Variants in SLC9A7 observed in about 807,000 individuals in gnomAD.
SLC9A7 encodes solute carrier family 9 member A7.
SLC9A7 carries 19 observed loss-of-function variants against 52.6 expected under a neutral mutation model. The ratio of observed to expected loss-of-function variants is 0.36; its 90% confidence interval spans 0.25 to 0.53. The LOEUF (loss-of-function observed/expected upper bound fraction) is 0.53. SLC9A7 is among the 20% of genes least tolerant of loss of function. The pLI, the probability that SLC9A7 is intolerant of heterozygous loss-of-function variation, is 0.91. For missense variants in SLC9A7, 455 were observed against 597.9 expected (o/e 0.76, Z 2.49); for synonymous variants, 226 against 252.1 (o/e 0.90, Z 0.98).
At chrX:46,740,756 C>T (rs1216141873) in intron 1 of SLC9A7, among the ~76,000 whole-genome samples, 2 of 110,499 alleles carry the variant, frequency 1.8e-5, no homozygotes, top group Non-Finnish European at 3.8e-5. Flanking sequence ...CCACTATGGC[C>T]CTACCACTTC....
chrX:46,743,985 C>T (rs1157083489), intron 1 of SLC9A7, among the ~76,000 whole-genome samples: 4 of 112,506 alleles, frequency 3.6e-5, no homozygotes, highest in Non-Finnish European at 7.5e-5. Context: ...CCATTTCTCT[C>T]TTACTTATAA....
chrX:46,638,044 A>G (rs984765485), intron 12 of SLC9A7, among the ~76,000 whole-genome samples: 3 of 111,915 alleles, frequency 2.7e-5, no homozygotes, highest in African/African-American at 9.7e-5. Context: ...CAGGGCCTCT[A>G]TCAGTAGCCT....
Position 46,634,430 on chromosome X carries a change from T to G in SLC9A7, c.1676+1159A>C, listed in dbSNP as rs187920689. ...TAAAATCTCGGAAAGTTTAGAAGTA[T>G]TCCATGTTAATTAATAATTTTTTCT... On this transcript the variant is annotated intron_variant, in intron 13 of 16. Coordinates refer to ENST00000616978, the MANE Select transcript of SLC9A7 (RefSeq NM_001257291.2). 7.2e-3 allele frequency among the ~76,000 whole-genome samples: 800 copies of G among 111,330 alleles called. 3 individuals are homozygous for G. The highest frequency in any genetic ancestry group is 9.6e-3 in the Non-Finnish European group (509 of 53,038).
rs1253006267 is a variant in SLC9A7, at chrX:46,759,064, G to A, written c.-35C>T. 3.4e-6 allele frequency: 3 copies of A among 872,084 alleles called. No homozygotes were observed. The highest frequency in any genetic ancestry group is 4.2e-6 in the Non-Finnish European group (3 of 706,808). 71.9% of individuals were successfully genotyped at this position (872,084 alleles called of 1,213,427 possible). A position where few individuals can be genotyped will look rare whatever the true frequency, so the allele number is the denominator to read the frequency against. ...GCCCCCCGCGCCTCCTCCGAGCGGG[G>A]ACCAGCAGCCCGCGCCGTCGGCGGG... On this transcript the variant is annotated 5_prime_UTR_variant, in exon 1 of 17. Coordinates refer to ENST00000616978, the MANE Select transcript of SLC9A7 (RefSeq NM_001257291.2).
chrX:46,659,114 GAC>G (rs1245885851), intron 7 of SLC9A7, among the ~76,000 whole-genome samples: 1 of 111,478 alleles, frequency 9.0e-6, no homozygotes, highest in Non-Finnish European at 1.9e-5. Context: ...CAGAACCAAA[GAC>G]AAAAACCACA....
At chrX:46,640,440 T>G (rs1469355224) in intron 12 of SLC9A7, among the ~76,000 whole-genome samples, 1 of 112,237 alleles carries the variant, frequency 8.9e-6, no homozygotes, top group Non-Finnish European at 1.9e-5. Flanking sequence ...AGTGTAAAAC[T>G]AAAAAGCTTT....
chrX:46,702,889 C>T (rs192219621), intron 1 of SLC9A7, among the ~76,000 whole-genome samples: 1 of 112,479 alleles, frequency 8.9e-6, no homozygotes, highest in East Asian at 2.8e-4. Context: ...AATTTACATT[C>T]CTATCAACAG....
chrX:46,737,637 C>T (rs1329678846), intron 1 of SLC9A7, among the ~76,000 whole-genome samples: 1 of 111,943 alleles, frequency 8.9e-6, no homozygotes, highest in Non-Finnish European at 1.9e-5. Flanking sequence ...CCTTTTCCCA[C>T]AAGGACTGGA....
chrX:46,651,547 G>A, intron 8 of SLC9A7, 143 bp from the exon 9 acceptor site: 1 of 433,694 alleles, frequency 2.3e-6, no homozygotes, highest in Non-Finnish European at 3.9e-6. Flanking sequence ...CTATTGCTGG[G>A]TCGGGCGCAG....
At chrX:46,749,271 T>C (rs1401355288) in intron 1 of SLC9A7, among the ~76,000 whole-genome samples, 2 of 112,058 alleles carry the variant, frequency 1.8e-5, no homozygotes, top group South Asian at 3.7e-4. Context: ...AACAAACACT[T>C]CTGGAGCATC....
intron 1 of SLC9A7, among the ~76,000 whole-genome samples, chrX:46,722,200 T>C (rs959236566): frequency 5.4e-5 from 6 of 111,894 alleles, no homozygotes; most frequent in Admixed American, 2.8e-4. Context: ...TAAGTAGCTA[T>C]GAATGTGGGT....
intron 1 of SLC9A7, among the ~76,000 whole-genome samples, chrX:46,755,540 T>C (rs1556291594): frequency 9.0e-6 from 1 of 111,294 alleles, no homozygotes. Flanking sequence ...CACGTTAAAA[T>C]GCTATTACAG....
chrX:46,665,861 T>C (rs1278378153), intron 5 of SLC9A7, among the ~76,000 whole-genome samples: 1 of 110,473 alleles, frequency 9.1e-6, no homozygotes, highest in African/African-American at 3.3e-5. Flanking sequence ...TGCATTTTTT[T>C]TTCTTTAATT....
intron 8 of SLC9A7, among the ~76,000 whole-genome samples, chrX:46,653,120 C>T (rs1361507170): frequency 8.9e-6 from 1 of 112,034 alleles, no homozygotes; most frequent in African/African-American, 3.2e-5. Context: ...TCAGGCTGGG[C>T]ATGGTGGCTC....
intron 1 of SLC9A7, among the ~76,000 whole-genome samples, chrX:46,716,641 C>T (rs1944773701): frequency 8.9e-6 from 1 of 111,938 alleles, no homozygotes; most frequent in African/African-American, 3.2e-5. Flanking sequence ...ACTGACTCTT[C>T]TGGTTTAAAA....
At chrX:46,741,082 C>T (rs1921316788) in intron 1 of SLC9A7, among the ~76,000 whole-genome samples, 1 of 111,350 alleles carries the variant, frequency 9.0e-6, no homozygotes, top group Non-Finnish European at 1.9e-5. Flanking sequence ...AAGGATAAGT[C>T]CATTAAATAT....
At chrX:46,652,185 A>C (rs1418655323) in intron 8 of SLC9A7, among the ~76,000 whole-genome samples, 1 of 111,835 alleles carries the variant, frequency 8.9e-6, no homozygotes, top group Non-Finnish European at 1.9e-5. Flanking sequence ...ATTATATATT[A>C]TATATCCCTC....
intron 13 of SLC9A7, among the ~76,000 whole-genome samples, chrX:46,632,573 C>T (rs1943240050): frequency 9.0e-6 from 1 of 110,901 alleles, no homozygotes; most frequent in Admixed American, 9.6e-5. Flanking sequence ...CGCCTGTCTT[C>T]AGCAAGAATC....
At chrX:46,665,572 A>AAAAAAG (rs1943906205) in intron 5 of SLC9A7, among the ~76,000 whole-genome samples, 1 of 109,343 alleles carries the variant, frequency 9.1e-6, no homozygotes, top group African/African-American at 3.3e-5. Context: ...AAAAAAAAAA[A>AAAAAAG]AAAAAAAGAA....
Sources: allele counts gnomAD v4.1 joint callset (sites outside exome capture counted in the v4.1 genomes callset), GRCh38; gene constraint gnomAD v4.1.1; transcripts MANE v1.5; gene names NCBI Gene and HGNC (gene_info 2026-07-23, HGNC 2026-07-21).